The following XPR1 variants were observed in gnomAD, a reference collection of about 807,000 sequenced individuals.
The protein encoded by XPR1 is xenotropic and polytropic retrovirus receptor 1.
Under a neutral mutation model 87.5 loss-of-function variants are expected in XPR1, and 28 were observed. The ratio of observed to expected loss-of-function variants is 0.32; its 90% CI spans 0.24 to 0.44. The LOEUF (loss-of-function observed/expected upper bound fraction) is 0.44, where lower values mean the gene tolerates loss of function less well. Among genes scored for constraint, XPR1 ranks in the 20% least tolerant of loss-of-function variants. The probability of loss-of-function intolerance (pLI) is 1.00; values close to 1 mark genes in which losing one functional copy is unlikely to be tolerated. For synonymous variants in XPR1, 300 were observed against 306.1 expected, an observed-to-expected ratio of 0.98 and a Z score of 0.21; for missense variants, 559 against 862.3, an observed-to-expected ratio of 0.65 and a Z score of 4.41.
At chr1:180,736,359 C>CT (rs768682010) in intron 2 of XPR1, among the ~76,000 whole-genome samples, 3 of 152,158 alleles carry the variant, frequency 2.0e-5, no homozygotes, top group Non-Finnish European at 4.4e-5. Flanking sequence ...CTAAAGGACT[C>CT]TTTTAAGGGT....
chr1:180,652,972 A>T (rs527521055), intron 1 of XPR1, among the ~76,000 whole-genome samples: 3 of 152,202 alleles, frequency 2.0e-5, no homozygotes, highest in Non-Finnish European at 2.9e-5. Context: ...GGAGGATCCA[A>T]TTCTAGGCTG....
At chr1:180,709,803 T>C (rs1657700182) in intron 2 of XPR1, among the ~76,000 whole-genome samples, 2 of 152,178 alleles carry the variant, frequency 1.3e-5, no homozygotes, top group South Asian at 4.1e-4. Context: ...TATTTGCCGT[T>C]GGTATATCTT....
intron 2 of XPR1, among the ~76,000 whole-genome samples, chr1:180,692,430 T>C (rs1657024234): frequency 6.6e-6 from 1 of 152,150 alleles, no homozygotes; most frequent in Non-Finnish European, 1.5e-5. Context: ...TGATATATTT[T>C]ATTCTTCATT....
At chr1:180,752,391 G>A (rs1647567364) in intron 2 of XPR1, among the ~76,000 whole-genome samples, 1 of 152,022 alleles carries the variant, frequency 6.6e-6, no homozygotes, top group Non-Finnish European at 1.5e-5. Flanking sequence ...TTTGGATTTG[G>A]AAGTTTACCA....
chr1:180,874,796 G>A (rs1367345169), intron 13 of XPR1, among the ~76,000 whole-genome samples: 3 of 152,170 alleles, frequency 2.0e-5, no homozygotes, highest in African/African-American at 7.2e-5. Context: ...CACTACCTTT[G>A]CACTATAGAA....
Position 180,722,293 on chromosome 1 carries a change from G to A in XPR1, c.121+39882G>A, listed in dbSNP as rs184407614. ...GTATTTTTAGTAGTGACAGGGTTTC[G>A]CCATCTTGGTCAGGCTGGTCTTGAA... On this transcript the variant is annotated intron_variant, in intron 2 of 14. Coordinates refer to ENST00000367590, the MANE Select transcript of XPR1 (RefSeq NM_004736.4). Among the ~76,000 whole-genome samples, 773 of 152,066 alleles carry A rather than the reference G, an allele frequency of 5.1e-3. 7 individuals carry two copies. The highest frequency in any genetic ancestry group is 0.018 in the African/African-American group (738 of 41,474).
At chr1:180,719,116 A>G (rs1408813238) in intron 2 of XPR1, among the ~76,000 whole-genome samples, 1 of 152,234 alleles carries the variant, frequency 6.6e-6, no homozygotes, top group South Asian at 2.1e-4. Flanking sequence ...ATTTTGAATG[A>G]TCTGCATTTG....
intron 2 of XPR1, among the ~76,000 whole-genome samples, chr1:180,736,474 G>A (rs1288699963): frequency 6.6e-6 from 1 of 152,148 alleles, no homozygotes; most frequent in Non-Finnish European, 1.5e-5. Flanking sequence ...AGAACTTAGT[G>A]TCATGATTTG....
intron 2 of XPR1, among the ~76,000 whole-genome samples, chr1:180,753,570 G>A (rs1647615468): frequency 1.3e-5 from 2 of 149,522 alleles, no homozygotes; most frequent in African/African-American, 2.5e-5. Flanking sequence ...AAAAAAAAAA[G>A]CAGTGCTGAA....
chr1:180,722,931 T>G (rs1398746983), intron 2 of XPR1, among the ~76,000 whole-genome samples: 3 of 152,332 alleles, frequency 2.0e-5, no homozygotes, highest in Non-Finnish European at 4.4e-5. Context: ...AGCAAAATAA[T>G]TATGTGGGTG....
chr1:180,709,793 T>C (rs559413388), intron 2 of XPR1, among the ~76,000 whole-genome samples: 2 of 152,332 alleles, frequency 1.3e-5, no homozygotes, highest in African/African-American at 4.8e-5. Context: ...TTTTCCTATT[T>C]ATTTGCCGTT....
chr1:180,847,520 T>A (rs1278796108), intron 11 of XPR1, among the ~76,000 whole-genome samples: 1 of 152,142 alleles, frequency 6.6e-6, no homozygotes, highest in Non-Finnish European at 1.5e-5. Context: ...TTCTTTGATT[T>A]AAAATTAGTA....
At chr1:180,664,670 T>C (rs1488098006) in intron 1 of XPR1, among the ~76,000 whole-genome samples, 2 of 152,004 alleles carry the variant, frequency 1.3e-5, no homozygotes, top group African/African-American at 4.8e-5. Context: ...AGGTCACGTG[T>C]CCCCCCAGTC....
chr1:180,642,428 A>T (rs533090940), intron 1 of XPR1, among the ~76,000 whole-genome samples: 31 of 152,132 alleles, frequency 2.0e-4, no homozygotes, highest in African/African-American at 7.5e-4. Flanking sequence ...TTTTTTTTTA[A>T]AAAAATAATA....
At chr1:180,811,324 C>A in intron 6 of XPR1, 83 bp from the exon 7 acceptor site, 1 of 1,086,730 alleles carries the variant, frequency 9.2e-7, no homozygotes, top group Non-Finnish European at 1.4e-6. Flanking sequence ...AACTTTGAGA[C>A]TCATTCTACT....
At chr1:180,690,666 A>G (rs1656947130) in intron 2 of XPR1, among the ~76,000 whole-genome samples, 1 of 151,810 alleles carries the variant, frequency 6.6e-6, no homozygotes, top group Non-Finnish European at 1.5e-5. Context: ...TTCTTTGCAT[A>G]GCATTTGTTA....
At chr1:180,727,562 T>G (rs1318212733) in intron 2 of XPR1, among the ~76,000 whole-genome samples, 1 of 152,088 alleles carries the variant, frequency 6.6e-6, no homozygotes, top group Non-Finnish European at 1.5e-5. Context: ...GAGAATCACT[T>G]GAACCCAGGA....
intron 11 of XPR1, among the ~76,000 whole-genome samples, chr1:180,839,406 T>A (rs1313190649): frequency 6.6e-6 from 1 of 152,244 alleles, no homozygotes; most frequent in Non-Finnish European, 1.5e-5. Flanking sequence ...CAAATAATTG[T>A]TAGGAAAATA....
chr1:180,782,809 T>C (rs1356593673), intron 2 of XPR1, among the ~76,000 whole-genome samples: 2 of 151,996 alleles, frequency 1.3e-5, no homozygotes, highest in Non-Finnish European at 2.9e-5. Context: ...TTTATATTCC[T>C]TATTTGATAA....
Sources: allele counts gnomAD v4.1 joint callset (sites outside exome capture counted in the v4.1 genomes callset), GRCh38; gene constraint gnomAD v4.1.1; transcripts MANE v1.5; gene names NCBI Gene and HGNC (gene_info 2026-07-23, HGNC 2026-07-21).